The following ARHGAP44 variants were observed in gnomAD, a reference collection of about 807,000 sequenced individuals.
ARHGAP44 encodes rho GTPase-activating protein 44.
A neutral mutation model predicts 106.8 loss-of-function variants in ARHGAP44; 43 were observed. That is an observed-to-expected ratio of 0.40 (90% CI 0.32 to 0.52). The LOEUF is 0.52. Ranked by LOEUF, ARHGAP44 falls within the 20% of genes least tolerant of loss-of-function variation. ARHGAP44 has a pLI of 0.48. For synonymous variants in ARHGAP44, 439 were observed against 410.3 expected (o/e 1.07, Z -0.85); for missense variants, 866 against 1,050.5 (o/e 0.82, Z 2.43).
intron 16 of ARHGAP44, among the ~76,000 whole-genome samples, chr17:12,972,222 C>G (rs1383867965): frequency 6.6e-6 from 1 of 152,172 alleles, no homozygotes; most frequent in African/African-American, 2.4e-5. Flanking sequence ...GAATGTTTCT[C>G]CCTTAATGCT....
chr17:12,861,557 A>G (rs1248378064), intron 1 of ARHGAP44, among the ~76,000 whole-genome samples: 2 of 151,334 alleles, frequency 1.3e-5, no homozygotes, highest in East Asian at 1.9e-4. Context: ...AGCCAGTAGC[A>G]CTGGGTTGTG....
chr17:12,911,723 G>A (rs546659495), intron 4 of ARHGAP44, among the ~76,000 whole-genome samples: 1 of 152,264 alleles, frequency 6.6e-6, no homozygotes, highest in Admixed American at 6.5e-5. Context: ...TCTAGAATGG[G>A]GGACTCCCGG....
At chr17:12,836,669 G>GA (rs994520027) in intron 1 of ARHGAP44, among the ~76,000 whole-genome samples, 6 of 149,420 alleles carry the variant, frequency 4.0e-5, no homozygotes, top group African/African-American at 1.2e-4. Flanking sequence ...AAAAAGAAAA[G>GA]AAAAAAAAGA....
chr17:12,876,501 G>A (rs1163439559), intron 1 of ARHGAP44, among the ~76,000 whole-genome samples: 1 of 152,178 alleles, frequency 6.6e-6, no homozygotes, highest in African/African-American at 2.4e-5. Context: ...TACTTGTAAA[G>A]TGCCAGCAGA....
chr17:12,973,468 G>A, intron 17 of ARHGAP44, 149 bp downstream of exon 17: 1 of 789,900 alleles, frequency 1.3e-6, no homozygotes, highest in Non-Finnish European at 2.0e-6. Flanking sequence ...CATTAAAATA[G>A]AATCAGAGCC....
intron 16 of ARHGAP44, among the ~76,000 whole-genome samples, chr17:12,959,637 T>G (rs2039210448): frequency 1.3e-5 from 2 of 152,206 alleles, no homozygotes; most frequent in East Asian, 3.9e-4. Context: ...CCAGAGGACG[T>G]GGACTAATGA....
intron 7 of ARHGAP44, among the ~76,000 whole-genome samples, chr17:12,934,960 T>G (rs985235920): frequency 1.3e-5 from 2 of 152,172 alleles, no homozygotes; most frequent in Admixed American, 6.5e-5. Flanking sequence ...TTTGGTCTGT[T>G]AGCTTCAACA....
chr17:12,989,100 C>CAA lies in ARHGAP44; in HGVS notation c.2318-932_2318-931insAA, dbSNP rs2040035326. On this transcript the variant is annotated intron_variant, in intron 20 of 20. Transcript: ENST00000379672. ...TGACAAGAGCGAAACTCCACCCCCCCCAAAAAAAAAAAAAAAAAAAAAAAA... is the reference window on the plus strand; with the variant it reads ...TGACAAGAGCGAAACTCCACCCCCCCAACAAAAAAAAAAAAAAAAAAAAAAAA... Among the ~76,000 whole-genome samples, 24 of 32,020 alleles carry CAA rather than the reference C, an allele frequency of 7.5e-4. No individual in the cohort carries two copies. In the South Asian group the frequency reaches 0.023, roughly 31 times the overall value. The allele number at this position is 32,020 out of a possible 152,430, so 21.0% of individuals were successfully genotyped here.
chr17:12,942,267 CT>C (rs1173731930), intron 8 of ARHGAP44, among the ~76,000 whole-genome samples: 3 of 152,212 alleles, frequency 2.0e-5, no homozygotes, highest in Non-Finnish European at 4.4e-5. Context: ...CTGCCTCAGC[CT>C]CCTGACTAGC....
At chr17:12,820,885 G>A (rs2034750609) in intron 1 of ARHGAP44, among the ~76,000 whole-genome samples, 2 of 152,086 alleles carry the variant, frequency 1.3e-5, no homozygotes, top group African/African-American at 2.4e-5. Context: ...TCACTTGTTC[G>A]GGCAGGCAGA....
At position 12,949,472 on chromosome 17, in the gene ARHGAP44, G is replaced by C. The variant is rs932418634; in HGVS notation, c.974-177G>C. Among the ~76,000 whole-genome samples, 1 of 152,176 alleles carries C rather than the reference G, an allele frequency of 6.6e-6. No individual in the cohort carries two copies. Among genetic ancestry groups the C allele is most frequent in the Non-Finnish European group, 1.5e-5 (1 of 68,034 alleles). ...GACGAGGTAATTGTGGGAAGAAAGAGGGGCCAGGTCCCCTGTCAGAGCCTC... is the reference window on the plus strand; with the variant it reads ...GACGAGGTAATTGTGGGAAGAAAGACGGGCCAGGTCCCCTGTCAGAGCCTC... On this transcript the variant is annotated intron_variant, in intron 11 of 20. Transcript: ENST00000379672. The surrounding 1 kb of genome is among the most constrained non-coding windows in gnomAD (Gnocchi z 4.1).
intron 1 of ARHGAP44, among the ~76,000 whole-genome samples, chr17:12,808,140 G>A (rs1042848769): frequency 4.6e-5 from 7 of 152,316 alleles, no homozygotes; most frequent in South Asian, 2.1e-4. Flanking sequence ...CCACAACCTG[G>A]GGCAGCTCCG....
chr17:12,867,347 C>T (rs931853916), intron 1 of ARHGAP44, among the ~76,000 whole-genome samples: 2 of 151,966 alleles, frequency 1.3e-5, no homozygotes, highest in Non-Finnish European at 2.9e-5. Context: ...TTTATGAGTC[C>T]GTCATAGCCC....
chr17:12,966,054 G>A (rs555065529), intron 16 of ARHGAP44, among the ~76,000 whole-genome samples: 1 of 152,004 alleles, frequency 6.6e-6, no homozygotes, highest in Non-Finnish European at 1.5e-5. Context: ...TAGTCAGAAG[G>A]CTGAGACGGG....
intron 16 of ARHGAP44, among the ~76,000 whole-genome samples, chr17:12,970,927 G>A (rs2039514236): frequency 6.6e-6 from 1 of 152,186 alleles, no homozygotes. Flanking sequence ...TGCTTTGGAA[G>A]GTAAATGCAC....
intron 16 of ARHGAP44, among the ~76,000 whole-genome samples, chr17:12,961,511 G>T (rs1455137134): frequency 6.6e-6 from 1 of 152,220 alleles, no homozygotes; most frequent in South Asian, 2.1e-4. Flanking sequence ...AAGGCAGGTG[G>T]ATCACCTGAG....
chr17:12,839,316 C>A (rs1447079296), intron 1 of ARHGAP44, among the ~76,000 whole-genome samples: 1 of 152,220 alleles, frequency 6.6e-6, no homozygotes, highest in Non-Finnish European at 1.5e-5. Context: ...GTGTCCCTCG[C>A]TCTTCCAAGG....
At chr17:12,861,643 A>ATTTTTTTTTTTTTTTTTT (rs2036079282) in intron 1 of ARHGAP44, among the ~76,000 whole-genome samples, 1 of 25,266 alleles carries the variant, frequency 4.0e-5, no homozygotes, top group Non-Finnish European at 9.0e-5. Context: ...CTCCTCTTCC[A>ATTTTTTTTTTTTTTTTTT]CTTTTTTTTT....
intron 20 of ARHGAP44, 81 bp from the exon 21 acceptor site, chr17:12,989,951 G>C (rs2040078372): frequency 1.3e-6 from 2 of 1,558,738 alleles, no homozygotes; most frequent in African/African-American, 1.3e-5. Context: ...GCCTCCTAAG[G>C]CTGACATTAT....
Sources: gnomAD v4.1 joint callset for allele counts (sites outside exome capture counted in the v4.1 genomes callset) on GRCh38, gnomAD v4.1.1 for gene constraint, Gnocchi (gnomAD v3.1) non-coding constraint, MANE v1.5 for transcripts, NCBI Gene and HGNC (gene_info 2026-07-23, HGNC 2026-07-21) for gene names.